RAD51B: variants seen among roughly 807,000 people sequenced by gnomAD.
The protein encoded by RAD51B is DNA repair protein RAD51 homolog 2.
Under a neutral mutation model 42.2 loss-of-function variants are expected in RAD51B, and 38 were observed. That is an observed-to-expected ratio of 0.90 (90% CI 0.70 to 1.18). RAD51B has a LOEUF of 1.18. Ranked by LOEUF, RAD51B falls within the 50% of genes most tolerant of loss-of-function variation. The pLI is 0.00. For missense variants in RAD51B, 373 were observed against 400.7 expected (o/e 0.93, Z 0.59); for synonymous variants, 154 against 145.2 (o/e 1.06, Z -0.43).
At chr14:68,051,575 TAA>T (rs1380562953) in intron 7 of RAD51B, among the ~76,000 whole-genome samples, 1 of 152,092 alleles carries the variant, frequency 6.6e-6, no homozygotes, top group Non-Finnish European at 1.5e-5. Flanking sequence ...TGCACTTTGC[TAA>T]TAATAGAGTT....
chr14:67,829,949 A>G (rs1367852195), intron 3 of RAD51B, among the ~76,000 whole-genome samples: 1 of 152,210 alleles, frequency 6.6e-6, no homozygotes, highest in Non-Finnish European at 1.5e-5. Flanking sequence ...CAAGGAAGCA[A>G]TACTTTAGCT....
At chr14:68,310,034 T>G (rs2081937590) in intron 8 of RAD51B, among the ~76,000 whole-genome samples, 1 of 152,222 alleles carries the variant, frequency 6.6e-6, no homozygotes, top group African/African-American at 2.4e-5. Flanking sequence ...TCAGGTTTTT[T>G]TATGTTAGTT....
At chr14:68,001,752 G>A (rs2075488078) in intron 7 of RAD51B, among the ~76,000 whole-genome samples, 1 of 152,104 alleles carries the variant, frequency 6.6e-6, no homozygotes, top group Non-Finnish European at 1.5e-5. Flanking sequence ...ATGTGTCCCT[G>A]TGTTCTCATC....
At chr14:68,663,126 T>C (rs1358487919) in intron 11 of RAD51B, among the ~76,000 whole-genome samples, 25 of 152,026 alleles carry the variant, frequency 1.6e-4, no homozygotes, top group Non-Finnish European at 2.6e-4. Flanking sequence ...CATGGTGAAA[T>C]TCTATCTCTA....
chr14:68,430,183 A>G (rs1269014470), intron 9 of RAD51B, among the ~76,000 whole-genome samples: 15 of 152,158 alleles, frequency 9.9e-5, no homozygotes, highest in Admixed American at 9.8e-4. Context: ...AGGTAGGGTG[A>G]TGCCTCCAGC....
intron 10 of RAD51B, among the ~76,000 whole-genome samples, chr14:68,474,883 A>T (rs2140247675): frequency 6.6e-6 from 1 of 152,362 alleles, no homozygotes; most frequent in Middle Eastern, 3.4e-3. Context: ...CATGATAGAG[A>T]TGTACTGCTT....
Position 67,868,257 on chromosome 14 carries a change from G to A in RAD51B, c.452+3118G>A, listed in dbSNP as rs139875531. Among the ~76,000 whole-genome samples, 7 of 152,338 alleles carry A rather than the reference G, an allele frequency of 4.6e-5. No individual in the cohort carries two copies. In the East Asian group the frequency reaches 1.4e-3, roughly 29 times the overall value. On this transcript the variant is annotated intron_variant, in intron 5 of 10. Coordinates refer to ENST00000471583, the MANE Select transcript of RAD51B (RefSeq NM_133510.4). ...CACATGCAAGCCGAAGCAGGGCGAG[G>A]CATTGCCTCACTCGGGAAGCGCAAG... is the stretch of plus-strand genomic sequence containing the variant.
At chr14:68,598,287 G>A (rs1371840050), downstream of RAD51B, among the ~76,000 whole-genome samples, 1 of 152,032 alleles carries the variant, frequency 6.6e-6, no homozygotes, top group Non-Finnish European at 1.5e-5. Context: ...ACGTCTACTA[G>A]ACACCTTGTG....
chr14:67,986,085 G>A (rs1475531191), intron 7 of RAD51B, among the ~76,000 whole-genome samples: 7 of 152,170 alleles, frequency 4.6e-5, no homozygotes, highest in Non-Finnish European at 2.9e-5. Flanking sequence ...GTGCACGTAC[G>A]TGCTATGGTG....
chr14:67,878,512 T>C (rs894255777), intron 5 of RAD51B, among the ~76,000 whole-genome samples: 10 of 152,164 alleles, frequency 6.6e-5, no homozygotes, highest in African/African-American at 2.2e-4. Flanking sequence ...ATGATTTCTT[T>C]GGTGGTTGAT....
chr14:67,897,355 G>T (rs189995594), intron 7 of RAD51B, among the ~76,000 whole-genome samples: 28 of 151,986 alleles, frequency 1.8e-4, no homozygotes, highest in Admixed American at 1.6e-3. Flanking sequence ...GATGATAAAG[G>T]GTTAATATCC....
At chr14:68,003,154 C>G (rs1298350825) in intron 7 of RAD51B, among the ~76,000 whole-genome samples, 1 of 152,158 alleles carries the variant, frequency 6.6e-6, no homozygotes, top group Non-Finnish European at 1.5e-5. Flanking sequence ...TTCTTCCTAT[C>G]CATGAGCATG....
At chr14:67,973,160 A>G (rs954077599) in intron 7 of RAD51B, among the ~76,000 whole-genome samples, 1 of 152,226 alleles carries the variant, frequency 6.6e-6, no homozygotes, top group East Asian at 1.9e-4. Flanking sequence ...TTCTGGCTCT[A>G]CCTTTGACTT....
At chr14:68,550,507 G>A (rs1183584839) in intron 10 of RAD51B, among the ~76,000 whole-genome samples, 2 of 152,222 alleles carry the variant, frequency 1.3e-5, no homozygotes, top group Non-Finnish European at 2.9e-5. Context: ...TTCCCTAGAA[G>A]AGGTGTGCCT....
At chr14:68,298,702 G>A (rs534123346) in intron 8 of RAD51B, among the ~76,000 whole-genome samples, 1 of 152,200 alleles carries the variant, frequency 6.6e-6, no homozygotes, top group African/African-American at 2.4e-5. Context: ...GCCAAAAGCC[G>A]AGAGAATGGG....
intron 7 of RAD51B, among the ~76,000 whole-genome samples, chr14:68,116,969 A>G (rs570166912): frequency 4.3e-4 from 66 of 152,334 alleles, no homozygotes; most frequent in Middle Eastern, 3.4e-3. Flanking sequence ...TTACAGCCAT[A>G]TTCATTAATT....
intron 8 of RAD51B, among the ~76,000 whole-genome samples, chr14:68,339,857 C>T (rs1336666909): frequency 6.6e-6 from 1 of 152,106 alleles, no homozygotes; most frequent in Admixed American, 6.6e-5. Context: ...TCTAATAGCA[C>T]AGTCATTTTC....
chr14:68,331,367 C>CAAAAAAAAAAAAAAGAAAAAAAA (rs2082345297), intron 8 of RAD51B, among the ~76,000 whole-genome samples: 1 of 32,948 alleles, frequency 3.0e-5, no homozygotes, highest in African/African-American at 7.8e-5. Flanking sequence ...GACTCTGTCT[C>CAAAAAAAAAAAAAAGAAAAAAAA]AAAAAAAAAA....
chr14:67,901,332 C>A (rs112734709), intron 7 of RAD51B, among the ~76,000 whole-genome samples: 1 of 152,164 alleles, frequency 6.6e-6, no homozygotes, highest in Non-Finnish European at 1.5e-5. Context: ...TGACTTATTG[C>A]GCCTGTGCCT....
Sources: gnomAD v4.1 joint callset for allele counts (sites outside exome capture counted in the v4.1 genomes callset) on GRCh38, gnomAD v4.1.1 for gene constraint, MANE v1.5 for transcripts, NCBI Gene and HGNC (gene_info 2026-07-23, HGNC 2026-07-21) for gene names.